Variants in GNAI2 observed in about 807,000 individuals in gnomAD.
GNAI2 encodes guanine nucleotide-binding protein G(i) subunit alpha-2.
A neutral mutation model predicts 36.8 loss-of-function variants in GNAI2; 4 were observed. That is an observed-to-expected ratio of 0.11 (90% CI 0.05 to 0.25). The LOEUF (loss-of-function observed/expected upper bound fraction) is 0.25, where lower values mean the gene tolerates loss of function less well. GNAI2 is among the 10% of genes least tolerant of loss of function. The pLI is 1.00. For synonymous variants in GNAI2, 194 were observed against 194.1 expected (o/e 1.00, Z 0.01); for missense variants, 230 against 481.3 (o/e 0.48, Z 4.89).
chr3:50,228,466 C>G (rs587627368), upstream of GNAI2, among the ~76,000 whole-genome samples: 1 of 151,216 alleles, frequency 6.6e-6, no homozygotes, highest in Admixed American at 6.6e-5. Context: ...GCAGGGGAAT[C>G]GCTTGAGCCT....
At chr3:50,257,277 A>G (rs1700724762) in intron 7 of GNAI2, among the ~76,000 whole-genome samples, 187 bp downstream of exon 7, 1 of 152,208 alleles carries the variant, frequency 6.6e-6, no homozygotes, top group Non-Finnish European at 1.5e-5. Context: ...AACACACTCA[A>G]GCATGTACCC....
upstream of GNAI2, among the ~76,000 whole-genome samples, chr3:50,234,283 A>G (rs1167174310): frequency 6.6e-6 from 1 of 150,868 alleles, no homozygotes; most frequent in Non-Finnish European, 1.5e-5. Flanking sequence ...GATGGTCTCC[A>G]TCTCCTGACC....
chr3:50,245,638 C>G (rs1335086331), intron 1 of GNAI2, among the ~76,000 whole-genome samples: 2 of 152,260 alleles, frequency 1.3e-5, no homozygotes, highest in Non-Finnish European at 1.5e-5. Context: ...GGCTCCTGCA[C>G]AGGCGGTACC....
chr3:50,253,307 G>T lies in GNAI2; in HGVS notation c.464+123G>T. ...GTCTTTGCTTATGAAACCGATGACT[G>T]TTAACCAAGGCCTTCCTGTTTTTTG... On this transcript the variant is annotated intron_variant, in intron 4 of 8. Transcript: ENST00000313601. The surrounding 1 kb of genome is among the most constrained non-coding windows in gnomAD (Gnocchi z 4.2). The T allele has an allele frequency of 2.4e-5, 12 of 493,090 alleles. No homozygotes were observed. The highest frequency in any genetic ancestry group is 4.0e-5 in the East Asian group (1 of 25,056). 30.5% of individuals were successfully genotyped at this position (493,090 alleles called of 1,614,324 possible).
rs1553700476 is a variant in GNAI2 at position 50,236,928 on chromosome 3, C to A, written c.118+475C>A. On this transcript the variant is annotated intron_variant, in intron 1 of 8. Coordinates refer to ENST00000313601, the MANE Select transcript of GNAI2 (RefSeq NM_002070.4). This position sits in a 1 kb window ranked among gnomAD's most constrained non-coding sequence, Gnocchi z 4.0. ...CCCCACCCACTCCCTCCTTCTCCTT[C>A]TGTGCCCCATCCCTAGTCTGGAATC... Among the ~76,000 whole-genome samples, 1 of 152,178 alleles carries A rather than the reference C, an allele frequency of 6.6e-6. No homozygotes were observed. Among genetic ancestry groups the A allele is most frequent in the East Asian group, 1.9e-4 (1 of 5,194 alleles).
chr3:50,252,847 G>A lies in GNAI2; in HGVS notation c.304-177G>A, dbSNP rs1700596276. On this transcript the variant is annotated intron_variant, in intron 3 of 8. Coordinates refer to ENST00000313601, the MANE Select transcript of GNAI2 (RefSeq NM_002070.4). This position sits in a 1 kb window ranked among gnomAD's most constrained non-coding sequence, Gnocchi z 4.1. ...CCATTGCACTCTAGCCTTGGTGACAGAGCTAGACTCCGTCACAGAAAAAAG... is the reference window on the plus strand; with the variant it reads ...CCATTGCACTCTAGCCTTGGTGACAAAGCTAGACTCCGTCACAGAAAAAAG... Among the ~76,000 whole-genome samples the A allele has an allele frequency of 6.6e-6, 1 of 152,188 alleles. No individual in the cohort carries two copies. The highest frequency in any genetic ancestry group is 2.4e-5 in the African/African-American group (1 of 41,446).
chr3:50,257,783 T>G (rs1700742792), intron 8 of GNAI2, 69 bp downstream of exon 8: 2 of 463,646 alleles, frequency 4.3e-6, no homozygotes, highest in African/African-American at 2.2e-5. Context: ...AGCAGGGGGT[T>G]CTGGGGGTGG....
In GNAI2 at chr3:50,255,008, CCTCCACATTGAGGA is replaced by C. The variant is rs1435876338; in HGVS notation, c.465-1180_465-1167del. Among the ~76,000 whole-genome samples, 1 of 152,216 alleles carries C rather than the reference CCTCCACATTGAGGA, an allele frequency of 6.6e-6. No homozygotes were observed. Among genetic ancestry groups the C allele is most frequent in the African/African-American group, 2.4e-5 (1 of 41,444 alleles). ...GGCTGGTGTGGAATGCACCATGGTA[CCTCCACATTGAGGA>C]CTCTGGCAGTAGGGGGCGGGGCATG... On this transcript the variant is annotated intron_variant, in intron 4 of 8. Transcript: ENST00000313601. This position sits in a 1 kb window ranked among gnomAD's most constrained non-coding sequence, Gnocchi z 4.0.
chr3:50,257,897 G>A, intron 8 of GNAI2, 183 bp downstream of exon 8: 1 of 510,390 alleles, frequency 2.0e-6, no homozygotes, highest in Non-Finnish European at 3.5e-6. Flanking sequence ...GAGGTGCAGG[G>A]CATGGAGGAG....
chr3:50,246,895 G>A, intron 1 of GNAI2: 1 of 1,439,158 alleles, frequency 6.9e-7, no homozygotes, highest in South Asian at 1.5e-5. Context: ...AGAGGAGCCA[G>A]TAGCTCTGAC....
At position 50,253,588 on chromosome 3, in the gene GNAI2, C is replaced by CA. The variant is rs1700617423; in HGVS notation, c.464+410dup. On this transcript the variant is annotated intron_variant, in intron 4 of 8. Transcript: ENST00000313601. The surrounding 1 kb of genome is among the most constrained non-coding windows in gnomAD (Gnocchi z 4.2). Reference sequence around the variant, plus strand: ...TGAAACCCCGTCTCTACTAAAAATACAAAAAATTAGCCGGGCGTGGTGGAG... The same window carrying CA: ...TGAAACCCCGTCTCTACTAAAAATACAAAAAAATTAGCCGGGCGTGGTGGAG... Among the ~76,000 whole-genome samples the CA allele has an allele frequency of 6.6e-6, 1 of 151,910 alleles. No individual in the cohort carries two copies. Among genetic ancestry groups the CA allele is most frequent in the African/African-American group, 2.4e-5 (1 of 41,352 alleles).
rs781986131 is a variant in GNAI2 at position 50,252,435 on chromosome 3, G to A, written c.200G>A (p.Arg67Gln). 3.3e-5 allele frequency: 54 copies of A among 1,613,492 alleles called. No homozygotes were observed. Among genetic ancestry groups the A allele is most frequent in the African/African-American group, 1.3e-4 (10 of 74,924 alleles). ...GATGGCTACTCCGAGGAGGAATGCC[G>A]GCAGTACCGGGCGGTTGTCTACAGC... is the stretch of plus-strand genomic sequence containing the variant. ...HEDGYSEEEC[R>Q]QYRAVVYSNT... The change falls in exon 3 of 9, where the codon CGG becomes CAG. Residue 67 changes from arginine (R) to glutamine (Q), a missense_variant. Transcript: ENST00000313601. The surrounding 1 kb of genome is among the most constrained non-coding windows in gnomAD (Gnocchi z 4.1).
At chr3:50,234,972 G>C (rs921578629), upstream of GNAI2, among the ~76,000 whole-genome samples, 2 of 152,348 alleles carry the variant, frequency 1.3e-5, no homozygotes, top group Non-Finnish European at 2.9e-5. Flanking sequence ...GGCCACAGGA[G>C]GGTGGGATGT....
rs1700716604 is a variant in GNAI2, at chr3:50,256,926, T to C, written c.724-11T>C. On this transcript the variant is annotated splice_polypyrimidine_tract_variant and intron_variant, in intron 6 of 8. Transcript: ENST00000313601. ...TGGTGGCTAGCGTTGACCTTGCTAT[T>C]CTACCCCCAGAACCGCATGCATGAG... 1 of 1,614,024 alleles carries C rather than the reference T, an allele frequency of 6.2e-7. No individual in the cohort carries two copies. The highest frequency in any genetic ancestry group is 1.3e-5 in the African/African-American group (1 of 75,020).
At position 50,253,270 on chromosome 3, in the gene GNAI2, A is replaced by AGTGTCCTTCTGG; in HGVS notation, c.464+87_464+88insTGTCCTTCTGGG. ...ACCGGAGGGCCTGAGAACCCCCAGA[A>AGTGTCCTTCTGG]GGACACTGCTGGTCTTTGCTTATGA... On this transcript the variant is annotated intron_variant, in intron 4 of 8. Transcript: ENST00000313601. This position sits in a 1 kb window ranked among gnomAD's most constrained non-coding sequence, Gnocchi z 4.2. The AGTGTCCTTCTGG allele has an allele frequency of 3.8e-6, 4 of 1,049,634 alleles. No homozygotes were observed. The highest frequency in any genetic ancestry group is 1.6e-5 in the African/African-American group (1 of 62,860). The allele number at this position is 1,049,634 out of a possible 1,614,324, so 65.0% of individuals were successfully genotyped here.
At chr3:50,257,149 T>C in intron 7 of GNAI2, 59 bp downstream of exon 7, 2 of 1,514,110 alleles carry the variant, frequency 1.3e-6, no homozygotes, top group Middle Eastern at 1.7e-4. Context: ...AAGTAGCCTA[T>C]GGTGACCAGG....
chr3:50,228,499 A>G (rs1700016473), upstream of GNAI2, among the ~76,000 whole-genome samples: 1 of 151,462 alleles, frequency 6.6e-6, no homozygotes, highest in Non-Finnish European at 1.5e-5. Context: ...GCAGTGAGCC[A>G]AGATCGCGCC....
At chr3:50,228,473 G>A (rs1195064982), upstream of GNAI2, among the ~76,000 whole-genome samples, 1 of 151,044 alleles carries the variant, frequency 6.6e-6, no homozygotes, top group South Asian at 2.1e-4. Flanking sequence ...AATCGCTTGA[G>A]CCTGGGAGAC....
At chr3:50,232,194 G>T (rs1208041681), upstream of GNAI2, among the ~76,000 whole-genome samples, 18 of 152,170 alleles carry the variant, frequency 1.2e-4, no homozygotes, top group Admixed American at 1.1e-3. Flanking sequence ...GCCGGGTGTG[G>T]TGGCAGGCGC....
Sources: gnomAD v4.1 joint callset for allele counts (sites outside exome capture counted in the v4.1 genomes callset) on GRCh38, gnomAD v4.1.1 for gene constraint, Gnocchi (gnomAD v3.1) non-coding constraint, MANE v1.5 for transcripts, NCBI Gene and HGNC (gene_info 2026-07-23, HGNC 2026-07-21) for gene names.